The following AP1S3 variants were observed in gnomAD, a reference collection of about 807,000 sequenced individuals.
AP1S3 encodes the protein AP-1 complex subunit sigma-3.
Under a neutral mutation model 20.9 loss-of-function variants are expected in AP1S3, and 10 were observed. That is an observed-to-expected ratio of 0.48 (90% CI 0.29 to 0.81). AP1S3 has a LOEUF of 0.81. Ranked by LOEUF, AP1S3 falls within the 30% of genes least tolerant of loss-of-function variation. The pLI is 0.08. For synonymous variants in AP1S3, 41 were observed against 61.5 expected (o/e 0.67, Z 1.56); for missense variants, 154 against 183.8 (o/e 0.84, Z 0.94).
intron 1 of AP1S3, among the ~76,000 whole-genome samples, chr2:223,805,459 T>C (rs555361863): frequency 3.3e-5 from 5 of 152,214 alleles, no homozygotes; most frequent in Admixed American, 2.6e-4. Context: ...AAAATTGTTA[T>C]GTACAATTTC....
chr2:223,756,418 A>G lies in AP1S3; in HGVS notation c.*2297T>C. 14 of 587,988 alleles carry G rather than the reference A, an allele frequency of 2.4e-5. No individual in the cohort carries two copies. Among genetic ancestry groups the G allele is most frequent in the East Asian group, 1.7e-4 (1 of 5,900 alleles). The allele number at this position is 587,988 out of a possible 1,614,324, so 36.4% of individuals were successfully genotyped here. A position where few individuals can be genotyped will look rare whatever the true frequency, so the allele number is the denominator to read the frequency against. Reference sequence around the variant, plus strand: ...GGAAGGAAGGAAGGGAGGGAAGGAGAGAGAGAGAAGAAGGAAGGAAGAAAG... The same window carrying G: ...GGAAGGAAGGAAGGGAGGGAAGGAGGGAGAGAGAAGAAGGAAGGAAGAAAG... On this transcript the variant is annotated 3_prime_UTR_variant, in exon 5 of 5. Coordinates refer to ENST00000396654, the MANE Select transcript of AP1S3 (RefSeq NM_001039569.2).
intron 3 of AP1S3, among the ~76,000 whole-genome samples, 162 bp from the exon 4 acceptor site, chr2:223,765,512 C>G (rs916478946): frequency 6.6e-5 from 10 of 152,118 alleles, no homozygotes; most frequent in African/African-American, 2.4e-4. Flanking sequence ...GAATGTCAGG[C>G]CTTTAATAAA....
chr2:223,832,091 C>CAA lies in AP1S3; in HGVS notation c.3+5355_3+5356dup, dbSNP rs776418917. ...GACTCCGTCTCAAAAAAAAAAAAAT[C>CAA]AAAAAAAGGACTTATTCTGGGGATT... On this transcript the variant is annotated intron_variant, in intron 1 of 4. Coordinates refer to ENST00000396654, the MANE Select transcript of AP1S3 (RefSeq NM_001039569.2). 3.1e-5 allele frequency among the ~76,000 whole-genome samples: 4 copies of CAA among 128,322 alleles called. 1 individual carries two copies. The highest frequency in any genetic ancestry group is 1.6e-4 in the Admixed American group (2 of 12,818). 84.2% of individuals were successfully genotyped at this position (128,322 alleles called of 152,430 possible). A position where few individuals can be genotyped will look rare whatever the true frequency, so the allele number is the denominator to read the frequency against.
intron 1 of AP1S3, among the ~76,000 whole-genome samples, chr2:223,820,881 C>T (rs1214728705): frequency 6.6e-6 from 1 of 152,112 alleles, no homozygotes; most frequent in African/African-American, 2.4e-5. Flanking sequence ...TGAAACACAC[C>T]TTGCTGGAAC....
At chr2:223,816,078 C>T (rs1310717555) in intron 1 of AP1S3, among the ~76,000 whole-genome samples, 2 of 152,186 alleles carry the variant, frequency 1.3e-5, no homozygotes. Context: ...CCACTGCGCT[C>T]CAGCCTGGAC....
chr2:223,772,980 T>C (rs557868211), intron 3 of AP1S3, among the ~76,000 whole-genome samples: 2 of 152,346 alleles, frequency 1.3e-5, no homozygotes, highest in South Asian at 4.1e-4. Context: ...GAAAGATTCA[T>C]TGAATTTTTT....
At chr2:223,773,274 A>C (rs1690676546) in intron 3 of AP1S3, 1 of 1,297,252 alleles carries the variant, frequency 7.7e-7, no homozygotes, top group Non-Finnish European at 1.0e-6. Flanking sequence ...CGGAGTTCAG[A>C]AATGAGAAAG....
At chr2:223,815,801 A>G (rs1044880091) in intron 1 of AP1S3, among the ~76,000 whole-genome samples, 2 of 152,218 alleles carry the variant, frequency 1.3e-5, no homozygotes, top group Admixed American at 1.3e-4. Context: ...TAATTTTGCC[A>G]CAGGCTAATT....
chr2:223,833,241 A>AATACATACATACATACATACATACATAC (rs56906676), intron 1 of AP1S3, among the ~76,000 whole-genome samples: 1 of 148,432 alleles, frequency 6.7e-6, no homozygotes, highest in African/African-American at 2.5e-5. Context: ...TTAAAGGCAA[A>AATACATACATACATACATACATACATAC]ATACATACAT....
chr2:223,837,142 C>CG (rs1692420340), intron 1 of AP1S3, among the ~76,000 whole-genome samples: 1 of 152,066 alleles, frequency 6.6e-6, no homozygotes. Flanking sequence ...CCTGGTCCCC[C>CG]GCGACATCCC....
At chr2:223,811,613 C>T (rs1691731893) in intron 1 of AP1S3, among the ~76,000 whole-genome samples, 1 of 151,764 alleles carries the variant, frequency 6.6e-6, no homozygotes. Context: ...AGCCCTTTGC[C>T]CATTTTTTCA....
chr2:223,802,882 A>G (rs1023177142), intron 1 of AP1S3, among the ~76,000 whole-genome samples: 1 of 152,230 alleles, frequency 6.6e-6, no homozygotes, highest in Non-Finnish European at 1.5e-5. Context: ...CTGTAGTGAA[A>G]CTGCAATAAA....
intron 1 of AP1S3, among the ~76,000 whole-genome samples, chr2:223,794,160 G>A (rs1691280821): frequency 6.6e-6 from 1 of 151,830 alleles, no homozygotes; most frequent in Non-Finnish European, 1.5e-5. Flanking sequence ...GCTCAGAATG[G>A]GGACTCACAT....
At chr2:223,780,347 A>AGTGTGTGTGTGTGT (rs1347365267) in intron 1 of AP1S3, among the ~76,000 whole-genome samples, 2 of 89,350 alleles carry the variant, frequency 2.2e-5, no homozygotes, top group Non-Finnish European at 4.2e-5. Flanking sequence ...AGAGAGAGAG[A>AGTGTGTGTGTGTGT]GAGAGAGAGA....
At position 223,756,325 on chromosome 2, in the gene AP1S3, C is replaced by T. The variant is rs944513526; in HGVS notation, c.*2390G>A. ...GCACTCTGGCCTGGGTGACAAGAAG[C>T]GAGGAAAGAAAAGAAAGAAAAGAAA... On this transcript the variant is annotated 3_prime_UTR_variant, in exon 5 of 5. Transcript: ENST00000396654. Among the ~76,000 whole-genome samples the T allele has an allele frequency of 1.6e-5, 2 of 122,222 alleles. No individual in the cohort carries two copies. The highest frequency in any genetic ancestry group is 3.1e-5 in the African/African-American group (1 of 32,098). 80.2% of individuals were successfully genotyped at this position (122,222 alleles called of 152,430 possible). A position where few individuals can be genotyped will look rare whatever the true frequency, so the allele number is the denominator to read the frequency against.
chr2:223,768,537 A>G (rs911996940), intron 3 of AP1S3, among the ~76,000 whole-genome samples: 3 of 152,204 alleles, frequency 2.0e-5, no homozygotes, highest in Non-Finnish European at 2.9e-5. Context: ...AAATGCTTGT[A>G]AGATAAATGA....
intron 1 of AP1S3, among the ~76,000 whole-genome samples, chr2:223,821,178 G>A (rs887122509): frequency 6.6e-6 from 1 of 152,102 alleles, no homozygotes; most frequent in South Asian, 2.1e-4. Context: ...ATCTATGGCA[G>A]AGTCTCACAC....
chr2:223,789,432 G>C (rs1160155590), intron 1 of AP1S3, among the ~76,000 whole-genome samples: 1 of 152,138 alleles, frequency 6.6e-6, no homozygotes, highest in Non-Finnish European at 1.5e-5. Context: ...AGCTACTCCA[G>C]AGGCTGAAGC....
rs758705275 is a variant in AP1S3, at chr2:223,777,730, C to T, written c.143G>A (p.Ser48Asn). 6.2e-7 allele frequency: 1 copy of T among 1,613,908 alleles called. No homozygotes were observed. ...TTTTAGCTCCTTCCAGTCAACAAAA[C>T]TGCTTGTCCTGTGACCACGGGAGAG... The part of the protein sequence containing the change: ...IILSRGHRTS[S>N]FVDWKELKLV... The change falls in exon 2 of 5, where the codon AGT becomes AAT. Residue 48 changes from serine (S) to asparagine (N), a missense_variant. By Grantham distance (46) the Ser-to-Asn change is conservative. Transcript: ENST00000396654.
Sources: allele counts gnomAD v4.1 joint callset (sites outside exome capture counted in the v4.1 genomes callset), GRCh38; gene constraint gnomAD v4.1.1; transcripts MANE v1.5; gene names NCBI Gene and HGNC (gene_info 2026-07-23, HGNC 2026-07-21).